EPHA3: variants seen among roughly 807,000 people sequenced by gnomAD.
EPHA3 encodes ephrin type-A receptor 3.
A neutral mutation model predicts 107.1 loss-of-function variants in EPHA3; 42 were observed. That is an observed-to-expected ratio of 0.39 (90% CI 0.31 to 0.51). The LOEUF is 0.51. Ranked by LOEUF, EPHA3 falls within the 20% of genes least tolerant of loss-of-function variation. The pLI, the probability that EPHA3 is intolerant of heterozygous loss-of-function variation, is 0.78. For synonymous variants in EPHA3, 461 were observed against 424.8 expected, an observed-to-expected ratio of 1.09 and a Z score of -1.05; for missense variants, 1,183 against 1,211.2, an observed-to-expected ratio of 0.98 and a Z score of 0.35.
intron 1 of EPHA3, 50 bp from the exon 2 acceptor site, chr3:89,127,159 G>A: frequency 1.4e-6 from 2 of 1,421,554 alleles, no homozygotes; most frequent in African/African-American, 1.4e-5. Flanking sequence ...GAAGCAAATA[G>A]AAATAATTCA....
intron 5 of EPHA3, among the ~76,000 whole-genome samples, chr3:89,374,274 T>A (rs994569172): frequency 6.6e-6 from 1 of 151,874 alleles, no homozygotes; most frequent in Non-Finnish European, 1.5e-5. Context: ...GTCCTTGCCA[T>A]GTAGATTTTT....
In EPHA3 at chr3:89,476,617, A is replaced by ATTTATTTT. The variant is rs1553697737; in HGVS notation, c.2847-2780_2847-2779insTTTATTTT. 2.2e-3 allele frequency among the ~76,000 whole-genome samples: 320 copies of ATTTATTTT among 145,518 alleles called. 2 individuals carry two copies. Among genetic ancestry groups the ATTTATTTT allele is most frequent in the African/African-American group, 5.9e-3 (233 of 39,436 alleles). ...TATTTATTTATTTATTTATTTATTT[A>ATTTATTTT]ATTTTTTTGAGGCGGATTCTCGCTC... On this transcript the variant is annotated intron_variant, in intron 16 of 16. Coordinates refer to ENST00000336596, the MANE Select transcript of EPHA3 (RefSeq NM_005233.6).
intron 3 of EPHA3, among the ~76,000 whole-genome samples, chr3:89,273,567 T>C (rs1373741088): frequency 6.6e-6 from 1 of 151,886 alleles, no homozygotes; most frequent in East Asian, 1.9e-4. Context: ...TACTCAGTTG[T>C]AGTGTTTACA....
chr3:89,350,597 G>A (rs1225079968), intron 5 of EPHA3, among the ~76,000 whole-genome samples: 4 of 150,814 alleles, frequency 2.7e-5, no homozygotes, highest in African/African-American at 9.7e-5. Flanking sequence ...TTGATCGTCT[G>A]AAGCCTTCTT....
At position 89,145,583 on chromosome 3, in the gene EPHA3, A is replaced by G. The variant is rs1704537905; in HGVS notation, c.153+18310A>G. ...AACATTCAATAGCTTATATCCTTCC[A>G]TTCTTTTCACTAAGTTGATTTAAAT... On this transcript the variant is annotated intron_variant, in intron 2 of 16. Coordinates refer to ENST00000336596, the MANE Select transcript of EPHA3 (RefSeq NM_005233.6). 2.0e-5 allele frequency among the ~76,000 whole-genome samples: 3 copies of G among 151,824 alleles called. No homozygotes were observed. In the South Asian group the frequency reaches 6.2e-4, roughly 32 times the overall value.
chr3:89,174,855 AT>A (rs1458669022), intron 2 of EPHA3, among the ~76,000 whole-genome samples: 1 of 151,948 alleles, frequency 6.6e-6, no homozygotes, highest in Non-Finnish European at 1.5e-5. Flanking sequence ...TTGACCCTAC[AT>A]TTTTAAAAAT....
chr3:89,207,323 A>T (rs962417860), intron 2 of EPHA3, among the ~76,000 whole-genome samples: 1 of 152,160 alleles, frequency 6.6e-6, no homozygotes, highest in African/African-American at 2.4e-5. Context: ...AAAACTAGGG[A>T]CTGCTGAAGG....
Position 89,419,241 on chromosome 3 carries a change from T to C in EPHA3, c.1925T>C (p.Leu642Pro). The C allele has an allele frequency of 6.2e-7, 1 of 1,609,886 alleles. No individual in the cohort carries two copies. The highest frequency in any genetic ancestry group is 1.7e-5 in the Admixed American group (1 of 59,622). Reference protein sequence around the residue: ...FGEVCSGRLKLPSKKEISVAI... With the variant: ...FGEVCSGRLKPPSKKEISVAI... ...GAGGTGTGCAGTGGTCGCTTAAAACTTCCTTCAAAAAAAGAGATTTCAGTG... is the reference window on the plus strand; with the variant it reads ...GAGGTGTGCAGTGGTCGCTTAAAACCTCCTTCAAAAAAAGAGATTTCAGTG... The change falls in exon 11 of 17, where the codon CTT becomes CCT. Residue 642 changes from leucine to proline, a missense_variant. Leu to Pro is a moderately conservative substitution (Grantham distance 98). Transcript: ENST00000336596.
intron 2 of EPHA3, among the ~76,000 whole-genome samples, chr3:89,206,485 T>C (rs192937356): frequency 1.3e-5 from 2 of 152,294 alleles, no homozygotes; most frequent in South Asian, 2.1e-4. Context: ...AATATTGTCA[T>C]GATCGAACTT....
At chr3:89,389,940 A>T (rs1708690479) in intron 5 of EPHA3, among the ~76,000 whole-genome samples, 1 of 152,216 alleles carries the variant, frequency 6.6e-6, no homozygotes, top group Admixed American at 6.5e-5. Context: ...ATGAAGAAAC[A>T]ATCTTTTAGA....
chr3:89,414,831 T>C (rs752234485), intron 10 of EPHA3, among the ~76,000 whole-genome samples: 1 of 151,584 alleles, frequency 6.6e-6, no homozygotes, highest in Non-Finnish European at 1.5e-5. Context: ...ATAAATGAGA[T>C]AAGGGGAGGT....
intron 3 of EPHA3, among the ~76,000 whole-genome samples, chr3:89,223,515 T>C (rs1704431906): frequency 6.6e-6 from 1 of 152,204 alleles, no homozygotes; most frequent in Middle Eastern, 3.2e-3. Context: ...GGGTCATGAT[T>C]GCAGAGGAAT....
At position 89,288,139 on chromosome 3, in the gene EPHA3, T is replaced by A. The variant is rs567551464; in HGVS notation, c.815-52777T>A. Among the ~76,000 whole-genome samples the A allele has an allele frequency of 2.5e-4, 38 of 151,846 alleles. 1 individual carries two copies. Among genetic ancestry groups the A allele is most frequent in the African/African-American group, 8.4e-4 (35 of 41,452 alleles). ...CTACAAAAGAATGCAATTACAAATTTAAAAAAAACACCTGGTGAATGCTTG... is the reference window on the plus strand; with the variant it reads ...CTACAAAAGAATGCAATTACAAATTAAAAAAAAACACCTGGTGAATGCTTG... On this transcript the variant is annotated intron_variant, in intron 3 of 16. Transcript: ENST00000336596.
chr3:89,285,897 G>A (rs1437565825), intron 3 of EPHA3, among the ~76,000 whole-genome samples: 1 of 152,072 alleles, frequency 6.6e-6, no homozygotes, highest in African/African-American at 2.4e-5. Context: ...GGGAATTAAG[G>A]AATTAAGGAG....
chr3:89,304,491 A>C (rs1481026510), intron 3 of EPHA3, among the ~76,000 whole-genome samples: 2 of 151,846 alleles, frequency 1.3e-5, no homozygotes, highest in East Asian at 3.9e-4. Context: ...AGACCCCTTG[A>C]TGTTCCTCAA....
intron 5 of EPHA3, among the ~76,000 whole-genome samples, chr3:89,384,910 T>G (rs1490705571): frequency 2.0e-5 from 3 of 152,222 alleles, no homozygotes; most frequent in African/African-American, 7.2e-5. Context: ...ATGTATTATA[T>G]GTACTCACAG....
At chr3:89,177,014 T>A (rs571551169) in intron 2 of EPHA3, among the ~76,000 whole-genome samples, 2 of 152,050 alleles carry the variant, frequency 1.3e-5, no homozygotes, top group African/African-American at 4.8e-5. Flanking sequence ...TCTTAGACAT[T>A]GACTAATTTG....
chr3:89,340,407 A>C (rs1213317517), intron 3 of EPHA3, among the ~76,000 whole-genome samples: 3 of 152,214 alleles, frequency 2.0e-5, no homozygotes, highest in Non-Finnish European at 4.4e-5. Context: ...GCTCATGAAA[A>C]TTATTTATCA....
chr3:89,200,577 G>C (rs1705945976), intron 2 of EPHA3, among the ~76,000 whole-genome samples: 1 of 152,168 alleles, frequency 6.6e-6, no homozygotes, highest in African/African-American at 2.4e-5. Context: ...CTCTTCAGTA[G>C]TTTCTCACTG....
Sources: allele counts gnomAD v4.1 joint callset (sites outside exome capture counted in the v4.1 genomes callset), GRCh38; gene constraint gnomAD v4.1.1; transcripts MANE v1.5; gene names NCBI Gene and HGNC (gene_info 2026-07-23, HGNC 2026-07-21).